SHBG: variants seen among roughly 807,000 people sequenced by gnomAD.
SHBG encodes sex hormone-binding globulin.
SHBG carries 37 observed loss-of-function variants against 41.9 expected under a neutral mutation model. The observed-to-expected ratio is 0.88, with a 90% CI of 0.68 to 1.16. The LOEUF (loss-of-function observed/expected upper bound fraction) is 1.16, where lower values mean the gene tolerates loss of function less well. SHBG is among the 50% of genes most tolerant of loss of function. SHBG has a pLI of 0.00. For synonymous variants in SHBG, 217 were observed against 205.8 expected, an observed-to-expected ratio of 1.05 and a Z score of -0.47; for missense variants, 466 against 499.9, an observed-to-expected ratio of 0.93 and a Z score of 0.65.
At chr17:7,621,459 G>C (rs2072094292) in intron 1 of SHBG, among the ~76,000 whole-genome samples, 2 of 139,876 alleles carry the variant, frequency 1.4e-5, no homozygotes, top group South Asian at 4.7e-4. Context: ...AAATTAGCTG[G>C]GCGTGGTGGT....
rs755359867 is a variant in SHBG at position 7,633,341 on chromosome 17, G to A, written c.1198G>A (p.Ala400Thr). 9.3e-6 allele frequency: 15 copies of A among 1,613,924 alleles called. No homozygotes were observed. The highest frequency in any genetic ancestry group is 2.2e-5 in the East Asian group (1 of 44,890). The change falls in exon 8 of 8, where the codon GCT becomes ACT. Residue 400 changes from alanine (A) to threonine (T), a missense_variant. Physicochemically the swap from Ala to Thr is moderately conservative, Grantham distance 58. Coordinates refer to ENST00000380450, the MANE Select transcript of SHBG (RefSeq NM_001040.5). Reference protein sequence around the residue: ...CPQSPGNGTDASH With the variant: ...CPQSPGNGTDTSH ...CCAGAGCCCAGGCAATGGCACTGAC[G>A]CTTCCCATTAAAGCTCCACCTAAGA...
In SHBG at chr17:7,632,002, A is replaced by C; in HGVS notation, c.839A>C (p.His280Pro). 6.2e-7 allele frequency: 1 copy of C among 1,613,608 alleles called. No homozygotes were observed. ...TPENPSWLSL[H>P]LQDQKVVLSS... ...GAGAACCCATCTTGGCTCAGTCTCC[A>C]CCTCCAAGATCAAGTAAAGGGGGAC... The change falls in exon 6 of 8, where the codon CAC (histidine) becomes CCC (proline). Residue 280 changes from histidine (H) to proline (P), a missense_variant. Physicochemically the swap from His to Pro is moderately conservative, Grantham distance 77. Coordinates refer to ENST00000380450, the MANE Select transcript of SHBG (RefSeq NM_001040.5).
At chr17:7,623,836 A>G (rs921340623), upstream of SHBG, among the ~76,000 whole-genome samples, 2 of 151,888 alleles carry the variant, frequency 1.3e-5, no homozygotes, top group Admixed American at 1.3e-4. Context: ...AACGTGACTC[A>G]CTTCAGCCTC....
At position 7,633,276 on chromosome 17, in the gene SHBG, C is replaced by G; in HGVS notation, c.1133C>G (p.Ala378Gly). ...AQGQRLDVDQ[A>G]LNRSHEIWTH... ...GGTCAGAGGCTGGATGTGGACCAGG[C>G]CCTGAACAGAAGCCATGAGATCTGG... The change falls in exon 8 of 8, where the codon GCC becomes GGC. Residue 378 changes from alanine (A) to glycine (G), a missense_variant. Physicochemically the swap from Ala to Gly is moderately conservative, Grantham distance 60. Coordinates refer to ENST00000380450, the MANE Select transcript of SHBG (RefSeq NM_001040.5). The G allele has an allele frequency of 6.2e-7, 1 of 1,614,128 alleles. No homozygotes were observed. Among genetic ancestry groups the G allele is most frequent in the South Asian group, 1.1e-5 (1 of 91,080 alleles).
intron 1 of SHBG, among the ~76,000 whole-genome samples, chr17:7,621,627 A>C (rs956129300): frequency 2.7e-5 from 4 of 147,238 alleles, no homozygotes; most frequent in Non-Finnish European, 6.0e-5. Flanking sequence ...AAAAAAAACC[A>C]GCTGCATAAA....
At chr17:7,622,296 G>A (rs904493494) in intron 1 of SHBG, among the ~76,000 whole-genome samples, 5 of 150,722 alleles carry the variant, frequency 3.3e-5, no homozygotes, top group African/African-American at 1.2e-4. Flanking sequence ...TTTGTAAGAG[G>A]GAGTCTCACT....
chr17:7,617,848 C>G (rs1400461757), intron 1 of SHBG, among the ~76,000 whole-genome samples: 3 of 152,166 alleles, frequency 2.0e-5, no homozygotes, highest in African/African-American at 7.2e-5. Context: ...CTTTGCGAGG[C>G]TGAAGCAGGC....
upstream of SHBG, chr17:7,627,801 CG>C (rs1477735647): frequency 5.3e-6 from 4 of 750,540 alleles, no homozygotes; most frequent in Non-Finnish European, 9.4e-6. The surrounding 1 kb of genome is among the most constrained non-coding windows in gnomAD (Gnocchi z 4.8). Context: ...GCTGGGATTC[CG>C]GCGCCGTACG....
At chr17:7,631,058 C>G in intron 3 of SHBG, 142 bp from the exon 4 acceptor site, 1 of 982,338 alleles carries the variant, frequency 1.0e-6, no homozygotes, top group Non-Finnish European at 1.5e-6. Context: ...ATATAAGTGA[C>G]AAGAGCTGAG....
Position 7,630,294 on chromosome 17 carries a change from G to A in SHBG, c.111+11G>A, listed in dbSNP as rs755048784. 8 of 1,605,756 alleles carry A rather than the reference G, an allele frequency of 5.0e-6. No individual in the cohort carries two copies. The highest frequency in any genetic ancestry group is 3.4e-5 in the Admixed American group (2 of 58,828). ...GTTCTCCCCACCCAGGTGCAGGAGC[G>A]GGACAGGGCACTCAGCTCATGCAGT... On this transcript the variant is annotated intron_variant, in intron 1 of 7. Coordinates refer to ENST00000380450, the MANE Select transcript of SHBG (RefSeq NM_001040.5). The surrounding 1 kb of genome is among the most constrained non-coding windows in gnomAD (Gnocchi z 4.6).
In SHBG at chr17:7,631,640, C is replaced by G; in HGVS notation, c.607C>G (p.Gln203Glu). The G allele has an allele frequency of 6.2e-7, 1 of 1,614,164 alleles. No homozygotes were observed. Among genetic ancestry groups the G allele is most frequent in the Non-Finnish European group, 8.5e-7 (1 of 1,180,034 alleles). Reference sequence around the variant, plus strand: ...GCGCCGGGATTCCTGGCTGGACAAACAGGCCGAGATCTCAGCATCTGCCCC... The same window carrying G: ...GCGCCGGGATTCCTGGCTGGACAAAGAGGCCGAGATCTCAGCATCTGCCCC... ...CLRRDSWLDK[Q>E]AEISASAPTS... is the part of the protein sequence containing the mutation. The change falls in exon 5 of 8, where the codon CAG becomes GAG. Residue 203 changes from glutamine to glutamate, a missense_variant. Coordinates refer to ENST00000380450, the MANE Select transcript of SHBG (RefSeq NM_001040.5).
At chr17:7,628,420 C>T (rs992355335), upstream of SHBG, among the ~76,000 whole-genome samples, 16 of 151,172 alleles carry the variant, frequency 1.1e-4, no homozygotes, top group Admixed American at 4.6e-4. Flanking sequence ...CGCACCGGCA[C>T]GCCCGGCTAA....
In SHBG at chr17:7,630,605, A is replaced by G; in HGVS notation, c.204-75A>G. 2.0e-6 allele frequency: 3 copies of G among 1,537,770 alleles called. No individual in the cohort carries two copies. Among genetic ancestry groups the G allele is most frequent in the Non-Finnish European group, 2.7e-6 (3 of 1,112,668 alleles). ...TGTCTTCCTTTCCTTATCTGTGAAC[A>G]CCATCTCCCCCAAACCCACACTGGT... is the stretch of plus-strand genomic sequence containing the variant. On this transcript the variant is annotated intron_variant, in intron 2 of 7. Transcript: ENST00000380450. This position sits in a 1 kb window ranked among gnomAD's most constrained non-coding sequence, Gnocchi z 4.6.
At position 7,632,775 on chromosome 17, in the gene SHBG, G is replaced by T. The variant is rs763698041; in HGVS notation, c.876G>T (p.Ser292=). The change falls in exon 7 of 8, where the codon TCG becomes TCT. Residue 292 remains serine, a synonymous_variant. Coordinates refer to ENST00000380450, the MANE Select transcript of SHBG (RefSeq NM_001040.5). ...QDQKVVLSSG[S]GPGLDLPLVL... is the part of the protein sequence containing the mutation. Reference sequence around the variant, plus strand: ...AGAAGGTGGTGTTGTCTTCTGGGTCGGGGCCAGGGCTGGATCTGCCCCTGG... The same window carrying T: ...AGAAGGTGGTGTTGTCTTCTGGGTCTGGGCCAGGGCTGGATCTGCCCCTGG... The T allele has an allele frequency of 8.2e-5, 133 of 1,613,578 alleles. No homozygotes were observed. The highest frequency in any genetic ancestry group is 1.1e-4 in the Non-Finnish European group (128 of 1,179,864).
In SHBG at chr17:7,633,317, C is replaced by G; in HGVS notation, c.1174C>G (p.Gln392Glu). 1 of 1,614,202 alleles carries G rather than the reference C, an allele frequency of 6.2e-7. No homozygotes were observed. The highest frequency in any genetic ancestry group is 8.5e-7 in the Non-Finnish European group (1 of 1,180,040). Residue 392 changes from glutamine to glutamate, a missense_variant, in exon 8 of 8, where the codon CAG (glutamine) becomes GAG (glutamate). Gln to Glu is a conservative substitution (Grantham distance 29). Transcript: ENST00000380450. Reference protein sequence around the residue: ...SHEIWTHSCPQSPGNGTDASH With the variant: ...SHEIWTHSCPESPGNGTDASH The stretch of plus-strand genomic sequence containing the variant: ...TGAGATCTGGACTCACAGCTGCCCC[C>G]AGAGCCCAGGCAATGGCACTGACGC...
chr17:7,628,791 C>T (rs1016520085), upstream of SHBG, among the ~76,000 whole-genome samples: 1 of 152,026 alleles, frequency 6.6e-6, no homozygotes, highest in African/African-American at 2.4e-5. Flanking sequence ...CACAGTGGCT[C>T]ACACCTGTAA....
At chr17:7,632,279 TAA>T (rs368288819) in intron 6 of SHBG, among the ~76,000 whole-genome samples, 5 of 138,268 alleles carry the variant, frequency 3.6e-5, no homozygotes, top group Non-Finnish European at 3.2e-5. Context: ...GACCTCTGTC[TAA>T]AAAAAAAAAA....
Position 7,630,170 on chromosome 17 carries a change from A to G in SHBG, c.-3A>G, listed in dbSNP as rs1490696951. On this transcript the variant is annotated 5_prime_UTR_variant, in exon 1 of 8. Transcript: ENST00000380450. The surrounding 1 kb of genome is among the most constrained non-coding windows in gnomAD (Gnocchi z 4.6). ...TGAGCCGCCGAGTGGACAGTGGCTG[A>G]TTATGGAGAGCAGAGGCCCACTGGC... 3 of 1,612,956 alleles carry G rather than the reference A, an allele frequency of 1.9e-6. No individual in the cohort carries two copies. The highest frequency in any genetic ancestry group is 2.5e-6 in the Non-Finnish European group (3 of 1,179,018).
In SHBG at chr17:7,630,649, A is replaced by C; in HGVS notation, c.204-31A>C. On this transcript the variant is annotated intron_variant, in intron 2 of 7. Transcript: ENST00000380450. The surrounding 1 kb of genome is among the most constrained non-coding windows in gnomAD (Gnocchi z 4.6). Reference sequence around the variant, plus strand: ...CACTGGTTCTCAAAGGACACATGACATACACAATCTTTCCTTCTGTGTCCT... The same window carrying C: ...CACTGGTTCTCAAAGGACACATGACCTACACAATCTTTCCTTCTGTGTCCT... 6.3e-7 allele frequency: 1 copy of C among 1,597,178 alleles called. No homozygotes were observed. The highest frequency in any genetic ancestry group is 8.6e-7 in the Non-Finnish European group (1 of 1,165,288).
Sources: gnomAD v4.1 joint callset for allele counts (sites outside exome capture counted in the v4.1 genomes callset) on GRCh38, gnomAD v4.1.1 for gene constraint, Gnocchi (gnomAD v3.1) non-coding constraint, MANE v1.5 for transcripts, NCBI Gene and HGNC (gene_info 2026-07-23, HGNC 2026-07-21) for gene names.